FAAP100: variants seen among roughly 807,000 people sequenced by gnomAD.
FAAP100 encodes the protein Fanconi anemia core complex-associated protein 100.
A neutral mutation model predicts 65.8 loss-of-function variants in FAAP100; 46 were observed. The observed-to-expected ratio is 0.70, with a 90% CI of 0.55 to 0.89. FAAP100 has a LOEUF of 0.89. FAAP100 is among the 40% of genes least tolerant of loss of function. The pLI is 0.00. For synonymous variants in FAAP100, 663 were observed against 555.1 expected (o/e 1.19, Z -2.73); for missense variants, 1,165 against 1,196.7 (o/e 0.97, Z 0.39).
chr17:81,546,056 G>A (rs1333683340), intron 5 of FAAP100, among the ~76,000 whole-genome samples, 174 bp from the exon 6 acceptor site: 2 of 152,234 alleles, frequency 1.3e-5, no homozygotes, highest in Admixed American at 6.5e-5. Context: ...TGACCCAGAG[G>A]AAGGAGGCCA....
At chr17:81,552,429 C>A (rs1240138489), upstream of FAAP100, 4 of 1,140,754 alleles carry the variant, frequency 3.5e-6, no homozygotes, top group Non-Finnish European at 4.4e-6. Flanking sequence ...GCGACCTCCG[C>A]CGTAAAGCGG....
In FAAP100 at chr17:81,552,008, C is replaced by T. The variant is rs766327979; in HGVS notation, c.210G>A (p.Leu70=). 6.4e-7 allele frequency: 1 copy of T among 1,564,412 alleles called. No individual in the cohort carries two copies. Among genetic ancestry groups the T allele is most frequent in the South Asian group, 1.2e-5 (1 of 85,900 alleles). ...GCGCGTACAGCAACCTGCGCGGCGC[C>T]AGCAGCTCCAGGTGCCACACCTGGT... The part of the protein sequence containing the change: ...FPDQVWHLEL[L]APRRLLYALC... The change falls in exon 2 of 9, where the codon CTG becomes CTA. Residue 70 remains leucine (L), a synonymous_variant. Coordinates refer to ENST00000327787, the MANE Select transcript of FAAP100 (RefSeq NM_025161.6).
chr17:81,551,883 G>A, intron 2 of FAAP100, 45 bp downstream of exon 2: 1 of 1,505,066 alleles, frequency 6.6e-7, no homozygotes, highest in Non-Finnish European at 8.8e-7. Flanking sequence ...AGCAGTCCGG[G>A]GGCAGCAGGA....
upstream of FAAP100, chr17:81,552,456 C>A: frequency 1.0e-6 from 1 of 961,042 alleles, no homozygotes; most frequent in Non-Finnish European, 1.4e-6. Context: ...GTGCCGGGGG[C>A]GGGCCGGAAA....
chr17:81,543,169 A>C (rs1432681602), intron 7 of FAAP100, among the ~76,000 whole-genome samples: 2 of 152,198 alleles, frequency 1.3e-5, no homozygotes, highest in African/African-American at 4.8e-5. Flanking sequence ...GGGCAGAGCC[A>C]CTGTTCACAG....
intron 8 of FAAP100, 25 bp from the exon 9 acceptor site, chr17:81,540,975 A>C (rs2033071267): frequency 1.9e-6 from 3 of 1,553,520 alleles, no homozygotes; most frequent in Middle Eastern, 1.7e-4. Flanking sequence ...GACACAGCTC[A>C]GGCCCCCCAC....
In FAAP100 at chr17:81,540,172, GCCAC is replaced by G; in HGVS notation, c.*643_*646del. The G allele has an allele frequency of 5.0e-6, 2 of 399,040 alleles. No homozygotes were observed. Among genetic ancestry groups the G allele is most frequent in the East Asian group, 3.6e-5 (1 of 28,074 alleles). 24.7% of individuals were successfully genotyped at this position (399,040 alleles called of 1,614,324 possible). ...AGGCACCTAGTTGTTGAGCATTCCGGCCACAGGCCACCCGCTGGCCCTTCCTTGG... is the reference window on the plus strand; with the variant it reads ...AGGCACCTAGTTGTTGAGCATTCCGGAGGCCACCCGCTGGCCCTTCCTTGG... On this transcript the variant is annotated 3_prime_UTR_variant, in exon 9 of 9. Coordinates refer to ENST00000327787, the MANE Select transcript of FAAP100 (RefSeq NM_025161.6).
chr17:81,542,510 G>A (rs957558220), intron 7 of FAAP100, among the ~76,000 whole-genome samples: 1 of 152,222 alleles, frequency 6.6e-6, no homozygotes, highest in African/African-American at 2.4e-5. Flanking sequence ...GGGGGCTCCA[G>A]AAGTGCTGGT....
At chr17:81,544,244 C>G in intron 6 of FAAP100, 124 bp from the exon 7 acceptor site, 4 of 739,228 alleles carry the variant, frequency 5.4e-6, no homozygotes, top group Non-Finnish European at 9.1e-6. Context: ...CAACCCCCTG[C>G]CCTGGGCTGT....
Position 81,544,130 on chromosome 17 carries a change from A to C in FAAP100, c.2311-10T>G. The C allele has an allele frequency of 6.3e-7, 1 of 1,594,968 alleles. No individual in the cohort carries two copies. Among genetic ancestry groups the C allele is most frequent in the Non-Finnish European group, 8.6e-7 (1 of 1,163,956 alleles). ...GGTCAGTCATGGCCACCTGCAACAC[A>C]GGAGCCACCTCACTGCCTGCCTGTG... On this transcript the variant is annotated splice_polypyrimidine_tract_variant and intron_variant, in intron 6 of 8. Transcript: ENST00000327787.
In FAAP100 at chr17:81,540,298, G is replaced by A; in HGVS notation, c.*521C>T. On this transcript the variant is annotated 3_prime_UTR_variant, in exon 9 of 9. Transcript: ENST00000327787. Reference sequence around the variant, plus strand: ...CCTCCTACCTCGGGGTCCCAGAGTGGGCAGCCGGGCAGGTGTGAACAGTGT... The same window carrying A: ...CCTCCTACCTCGGGGTCCCAGAGTGAGCAGCCGGGCAGGTGTGAACAGTGT... The A allele has an allele frequency of 2.5e-6, 1 of 398,906 alleles. No homozygotes were observed. The highest frequency in any genetic ancestry group is 3.6e-5 in the East Asian group (1 of 28,078). The allele number at this position is 398,906 out of a possible 1,614,324, so 24.7% of individuals were successfully genotyped here. A position where few individuals can be genotyped will look rare whatever the true frequency, so the allele number is the denominator to read the frequency against.
chr17:81,543,937 G>A (rs2033204534), intron 7 of FAAP100, 67 bp downstream of exon 7: 13 of 1,434,872 alleles, frequency 9.1e-6, no homozygotes, highest in Non-Finnish European at 1.3e-5. Context: ...CAGCTACAGG[G>A]TCCCATGCAG....
At position 81,539,947 on chromosome 17, in the gene FAAP100, C is replaced by T. The variant is rs2033015118; in HGVS notation, c.*872G>A. On this transcript the variant is annotated 3_prime_UTR_variant, in exon 9 of 9. Transcript: ENST00000327787. ...AGAGAAGCACCTCACGGCTCCTACC[C>T]GCACTCATCGCGGACAGTGCCTGCA... The T allele has an allele frequency of 1.5e-5, 6 of 398,756 alleles. No homozygotes were observed. The highest frequency in any genetic ancestry group is 4.4e-5 in the Admixed American group (1 of 22,726). The allele number at this position is 398,756 out of a possible 1,614,324, so 24.7% of individuals were successfully genotyped here.
At position 81,541,369 on chromosome 17, in the gene FAAP100, C is replaced by T. The variant is rs116118204; in HGVS notation, c.2454G>A (p.Gln818=). ...CACGGAGATCAGGAGCGCTGGAGCC[C>T]TGGGTGGCCTGCTCTGTCACCATCG... is the stretch of plus-strand genomic sequence containing the variant. ...MQTMVTEQAT[Q]GSSAPDLRVQ... Residue 818 remains glutamine (Q), a synonymous_variant, in exon 8 of 9, where the codon CAG becomes CAA. Transcript: ENST00000327787. 2 of 1,611,430 alleles carry T rather than the reference C, an allele frequency of 1.2e-6. No individual in the cohort carries two copies. The highest frequency in any genetic ancestry group is 2.7e-5 in the African/African-American group (2 of 74,930).
At chr17:81,541,235 C>T in intron 8 of FAAP100, 74 bp downstream of exon 8, 2 of 1,468,750 alleles carry the variant, frequency 1.4e-6, no homozygotes, top group Non-Finnish European at 1.9e-6. Context: ...CCCCGAGTGA[C>T]TAGAGGGGGG....
chr17:81,551,677 C>CA, intron 2 of FAAP100: 1 of 1,318,672 alleles, frequency 7.6e-7, no homozygotes, highest in Non-Finnish European at 9.6e-7. Context: ...CACCAGGGCC[C>CA]AAAGGACAGG....
chr17:81,550,917 A>G lies in FAAP100; in HGVS notation c.577T>C (p.Phe193Leu). 6.2e-7 allele frequency: 1 copy of G among 1,612,552 alleles called. No homozygotes were observed. Among genetic ancestry groups the G allele is most frequent in the Non-Finnish European group, 8.5e-7 (1 of 1,179,828 alleles). ...GVPGKPAAPH[F>L]LPVLCSVSPS... ...GACACAGAGCACAGCACTGGAAGGA[A>G]GTGGGGGGCTGCAGGCTTTCCTGGG... Residue 193 changes from phenylalanine to leucine, a missense_variant, in exon 3 of 9, where the codon TTC becomes CTC. By Grantham distance (22) the Phe-to-Leu change is conservative. Transcript: ENST00000327787.
rs1466853107 is a variant in FAAP100 at position 81,550,826 on chromosome 17, G to T, written c.668C>A (p.Ala223Asp). 4 of 1,612,022 alleles carry T rather than the reference G, an allele frequency of 2.5e-6. No homozygotes were observed. Among genetic ancestry groups the T allele is most frequent in the Non-Finnish European group, 3.4e-6 (4 of 1,179,636 alleles). The change falls in exon 3 of 9, where the codon GCC (alanine) becomes GAC (aspartate). Residue 223 changes from alanine to aspartate, a missense_variant. Coordinates refer to ENST00000327787, the MANE Select transcript of FAAP100 (RefSeq NM_025161.6). Reference protein sequence around the residue: ...GGSGGFTLEDALFGLLFGADA... With the variant: ...GGSGGFTLEDDLFGLLFGADA... ...AGCTCCAAAGAGGAGCCCGAAGAGG[G>T]CGTCCTCCAGCGTGAAGCCCCCGGA...
rs1199284972 is a variant in FAAP100 at position 81,551,170 on chromosome 17, G to A, written c.324C>T (p.Asp108=). ...STSQDDRDSE[D]GDQPSPVIPV... The stretch of plus-strand genomic sequence containing the variant: ...GGATCACGGGGGAAGGCTGGTCACC[G>A]TCCTCGCTGTCCCTGTCATCCTGGC... The change falls in exon 3 of 9, where the codon GAC becomes GAT. Residue 108 remains aspartate (D), a synonymous_variant. Transcript: ENST00000327787. The A allele has an allele frequency of 9.8e-6, 15 of 1,535,144 alleles. No individual in the cohort carries two copies. Among genetic ancestry groups the A allele is most frequent in the South Asian group, 2.4e-5 (2 of 82,598 alleles).
Sources: gnomAD v4.1 joint callset for allele counts (sites outside exome capture counted in the v4.1 genomes callset) on GRCh38, gnomAD v4.1.1 for gene constraint, MANE v1.5 for transcripts, NCBI Gene and HGNC (gene_info 2026-07-23, HGNC 2026-07-21) for gene names.